Variants in RTEL1 observed in about 807,000 individuals in gnomAD.
RTEL1 encodes the protein regulator of telomere length.
Under a neutral mutation model 162.2 loss-of-function variants are expected in RTEL1, and 86 were observed. The ratio of observed to expected loss-of-function variants is 0.53; its 90% CI spans 0.45 to 0.63. The LOEUF is 0.63. Among genes scored for constraint, RTEL1 ranks in the 30% least tolerant of loss-of-function variants. The pLI is 0.00. For synonymous variants in RTEL1, 958 were observed against 717.9 expected, an observed-to-expected ratio of 1.33 and a Z score of -5.35; for missense variants, 1,941 against 1,750.2, an observed-to-expected ratio of 1.11 and a Z score of -1.95.
chr20:63,687,636 A>G lies in RTEL1; in HGVS notation c.1349-2A>G. ...TGCCCTCTGCCGCCCCCCGCCCCAC[A>G]GGGAAGGTGCTGAGCTACTGGTGCT... On this transcript the variant is annotated splice_acceptor_variant, in intron 16 of 34. Transcript: ENST00000360203. LOFTEE classifies it high-confidence loss of function. 1.2e-6 allele frequency: 2 copies of G among 1,604,452 alleles called. No individual in the cohort carries two copies. Among genetic ancestry groups the G allele is most frequent in the Admixed American group, 1.7e-5 (1 of 59,294 alleles).
At chr20:63,693,873 C>G (rs1039506117) in intron 30 of RTEL1, among the ~76,000 whole-genome samples, 1 of 149,774 alleles carries the variant, frequency 6.7e-6, no homozygotes, top group South Asian at 2.1e-4. Context: ...TGCCACACGT[C>G]CCCTGCCTCC....
chr20:63,658,235 C>A (rs3746342), upstream of RTEL1: 20,622 of 152,316 alleles, frequency 0.14, 1,682 homozygotes, highest in Admixed American at 0.22. Flanking sequence ...CTGGAGGAGC[C>A]GAAGAGCAGG....
At chr20:63,662,453 C>G (rs1274416748) in intron 4 of RTEL1, 93 bp from the exon 5 acceptor site, 1 of 1,579,658 alleles carries the variant, frequency 6.3e-7, no homozygotes, top group African/African-American at 1.3e-5. Context: ...ACCGCCGAGG[C>G]TCCTGCGTGT....
chr20:63,674,711 A>AG (rs2090314638), intron 10 of RTEL1, among the ~76,000 whole-genome samples: 1 of 151,846 alleles, frequency 6.6e-6, no homozygotes, highest in Non-Finnish European at 1.5e-5. Flanking sequence ...AAAAAAAAAA[A>AG]GGAAAACTAA....
chr20:63,677,530 T>G (rs979915140), intron 10 of RTEL1, among the ~76,000 whole-genome samples: 1 of 152,180 alleles, frequency 6.6e-6, no homozygotes, highest in Non-Finnish European at 1.5e-5. Context: ...CGAGAATTGC[T>G]TGAACCTGGG....
At position 63,679,849 on chromosome 20, in the gene RTEL1, C is replaced by G. The variant is rs747659385; in HGVS notation, c.1038C>G (p.Ser346Arg). 6.2e-7 allele frequency: 1 copy of G among 1,609,912 alleles called. No individual in the cohort carries two copies. Among genetic ancestry groups the G allele is most frequent in the South Asian group, 1.1e-5 (1 of 90,996 alleles). The change falls in exon 13 of 35, where the codon AGC (serine) becomes AGG (arginine). Residue 346 changes from serine to arginine, a missense_variant and splice_region_variant. By Grantham distance (110) the Ser-to-Arg change is moderately radical (BLOSUM62 -1). Coordinates refer to ENST00000360203, the MANE Select transcript of RTEL1 (RefSeq NM_001283009.2). Reference sequence around the variant, plus strand: ...GAGCCTGCCTTCTTCTCCTCGGCAGCTACATCTTTGAGCTGTTTGCTGAAG... The same window carrying G: ...GAGCCTGCCTTCTTCTCCTCGGCAGGTACATCTTTGAGCTGTTTGCTGAAG... ...GDDSGVTKPG[S>R]YIFELFAEAQ...
At chr20:63,678,693 C>T (rs2090417092) in intron 12 of RTEL1, among the ~76,000 whole-genome samples, 1 of 135,080 alleles carries the variant, frequency 7.4e-6, no homozygotes, top group South Asian at 2.4e-4. Context: ...ACCCACGGAA[C>T]AGCACACACA....
At chr20:63,659,593 C>T in intron 2 of RTEL1, 89 bp downstream of exon 2, 1 of 997,630 alleles carries the variant, frequency 1.0e-6, no homozygotes, top group Non-Finnish European at 1.6e-6. Flanking sequence ...CCATTCCAGC[C>T]AGGCCCCTCC....
intron 14 of RTEL1, among the ~76,000 whole-genome samples, chr20:63,684,750 G>C (rs2090553306): frequency 6.6e-6 from 1 of 152,164 alleles, no homozygotes; most frequent in South Asian, 2.1e-4. Flanking sequence ...TGGGATTACG[G>C]GTGTGAGCCA....
intron 10 of RTEL1, among the ~76,000 whole-genome samples, chr20:63,674,654 G>C (rs1352379934): frequency 6.6e-6 from 1 of 151,078 alleles, no homozygotes; most frequent in Non-Finnish European, 1.5e-5. Context: ...TGCCCCAGAT[G>C]ACTCCACTGC....
rs552981744 is a variant in RTEL1 at position 63,680,300 on chromosome 20, G to A, written c.1135+354G>A. On this transcript the variant is annotated intron_variant, in intron 13 of 34. Coordinates refer to ENST00000360203, the MANE Select transcript of RTEL1 (RefSeq NM_001283009.2). ...GGGTCCAGAGGCTTTGCCCAGAGGC[G>A]GTGTCCCCATGGGCTGCTCTGGTTT... 5.9e-5 allele frequency among the ~76,000 whole-genome samples: 9 copies of A among 152,318 alleles called. No homozygotes were observed. In the South Asian group the frequency reaches 1.2e-3, roughly 21 times the overall value.
chr20:63,685,784 C>T lies in RTEL1; in HGVS notation c.1267-7C>T, dbSNP rs2090579517. ...GGCCTCCACACTCCTGGTCCTGTCC[C>T]CTCCAGGTGCACATCCATCCTGATG... On this transcript the variant is annotated splice_polypyrimidine_tract_variant and splice_region_variant and intron_variant, in intron 15 of 34. Transcript: ENST00000360203. The T allele has an allele frequency of 6.2e-7, 1 of 1,611,240 alleles. No individual in the cohort carries two copies. Among genetic ancestry groups the T allele is most frequent in the Non-Finnish European group, 8.5e-7 (1 of 1,179,368 alleles).
At chr20:63,692,567 T>TCA in intron 28 of RTEL1, 1 of 579,224 alleles carries the variant, frequency 1.7e-6, no homozygotes, top group Non-Finnish European at 3.1e-6. Flanking sequence ...CTTTGCCCAT[T>TCA]CACTGCTCTC....
intron 10 of RTEL1, among the ~76,000 whole-genome samples, chr20:63,674,311 T>C (rs1332589215): frequency 2.0e-5 from 3 of 152,214 alleles, no homozygotes; most frequent in Non-Finnish European, 2.9e-5. Context: ...CATCCGCTTC[T>C]CTCAGAGGCT....
In RTEL1 at chr20:63,680,652, G is replaced by C. The variant is rs2146219854; in HGVS notation, c.1136-12G>C. On this transcript the variant is annotated splice_polypyrimidine_tract_variant and intron_variant, in intron 13 of 34. Transcript: ENST00000360203. ...CCTGCAGTGTGGGTGTCAGCGCCCT[G>C]CTGCCCTCCAGGTGCTGGAGTGTTC... is the stretch of plus-strand genomic sequence containing the variant. 6.2e-7 allele frequency: 1 copy of C among 1,612,950 alleles called. No individual in the cohort carries two copies. The highest frequency in any genetic ancestry group is 1.1e-5 in the South Asian group (1 of 91,080).
In RTEL1 at chr20:63,694,851, G is replaced by C. The variant is rs780364760; in HGVS notation, c.3220G>C (p.Ala1074Pro). 6.2e-7 allele frequency: 1 copy of C among 1,612,642 alleles called. No homozygotes were observed. The highest frequency in any genetic ancestry group is 8.5e-7 in the Non-Finnish European group (1 of 1,179,860). The change falls in exon 32 of 35, where the codon GCG becomes CCG. Residue 1074 changes from alanine (A) to proline (P), a missense_variant. Ala to Pro is a conservative substitution (Grantham distance 27). Coordinates refer to ENST00000360203, the MANE Select transcript of RTEL1 (RefSeq NM_001283009.2). ...TGATGCCCGCAGGGCCCTGGGGTCC[G>C]CGGGCTGTAGCCAACTCTTGGCAGC... ...LADARRALGS[A>P]GCSQLLAALT...
In RTEL1 at chr20:63,694,590, G is replaced by A. The variant is rs557328920; in HGVS notation, c.3109+102G>A. 7 of 1,246,800 alleles carry A rather than the reference G, an allele frequency of 5.6e-6. No homozygotes were observed. In the African/African-American group the frequency reaches 1.0e-4, roughly 19 times the overall value. 77.2% of individuals were successfully genotyped at this position (1,246,800 alleles called of 1,614,324 possible). On this transcript the variant is annotated intron_variant, in intron 31 of 34. Transcript: ENST00000360203. ...GTGGCCGGGGCTGCCCCTGTGGGGA[G>A]CCATCTCATGGTGGGGACTGCTCCC... is the stretch of plus-strand genomic sequence containing the variant.
chr20:63,693,492 T>TCCACCACCTCCACCACCTCCACCTCCA (rs1568720292), intron 30 of RTEL1, among the ~76,000 whole-genome samples: 1 of 4,334 alleles, frequency 2.3e-4, no homozygotes, highest in Non-Finnish European at 4.6e-4. Flanking sequence ...CACCACCACC[T>TCCACCACCTCCACCACCTCCACCTCCA]CCACCTCCAC....
At chr20:63,684,601 C>T (rs1163709170) in intron 14 of RTEL1, among the ~76,000 whole-genome samples, 1 of 152,164 alleles carries the variant, frequency 6.6e-6, no homozygotes, top group Non-Finnish European at 1.5e-5. Context: ...GATCCGCCTC[C>T]CAAAGTGCTG....
Sources: gnomAD v4.1 joint callset for allele counts (sites outside exome capture counted in the v4.1 genomes callset) on GRCh38, gnomAD v4.1.1 for gene constraint, MANE v1.5 for transcripts, NCBI Gene and HGNC (gene_info 2026-07-23, HGNC 2026-07-21) for gene names.